Variants in SLC41A1 observed in about 807,000 individuals in gnomAD.
SLC41A1 encodes the protein solute carrier family 41 (magnesium transporter), member 1.
SLC41A1 carries 20 observed loss-of-function variants against 47.3 expected under a neutral mutation model. That is an observed-to-expected ratio of 0.42 (90% CI 0.30 to 0.61). The LOEUF is 0.61. SLC41A1 is among the 20% of genes least tolerant of loss of function. The pLI is 0.17. For missense variants in SLC41A1, 504 were observed against 674.1 expected, an observed-to-expected ratio of 0.75 and a Z score of 2.79; for synonymous variants, 282 against 272.7, an observed-to-expected ratio of 1.03 and a Z score of -0.34.
At chr1:205,794,263 C>T (rs1236636521) in intron 10 of SLC41A1, among the ~76,000 whole-genome samples, 1 of 152,174 alleles carries the variant, frequency 6.6e-6, no homozygotes, top group African/African-American at 2.4e-5. Context: ...ATGTTATTTT[C>T]CCATGGAGGG....
rs1374513567 is a variant in SLC41A1 at position 205,813,132 on chromosome 1, G to A, written c.-971C>T. The A allele has an allele frequency of 4.1e-6, 4 of 985,418 alleles. No homozygotes were observed. In the East Asian group the frequency reaches 4.5e-4, roughly 112 times the overall value. The allele number at this position is 985,418 out of a possible 1,614,324, so 61.0% of individuals were successfully genotyped here. ...GAGCCGAGCTCACGCGCCCCCAATCGCTTCTTGCCCGCGGACTCGGGCCCA... is the reference window on the plus strand; with the variant it reads ...GAGCCGAGCTCACGCGCCCCCAATCACTTCTTGCCCGCGGACTCGGGCCCA... On this transcript the variant is annotated 5_prime_UTR_variant, in exon 1 of 11. Coordinates refer to ENST00000367137, the MANE Select transcript of SLC41A1 (RefSeq NM_173854.6).
At chr1:205,804,122 A>G (rs1175557271) in intron 2 of SLC41A1, among the ~76,000 whole-genome samples, 1 of 152,216 alleles carries the variant, frequency 6.6e-6, no homozygotes, top group Non-Finnish European at 1.5e-5. Flanking sequence ...GGTAAATTTT[A>G]TGTTACACAT....
chr1:205,799,886 C>T (rs1655840852), intron 3 of SLC41A1, 56 bp from the exon 4 acceptor site: 1 of 1,477,118 alleles, frequency 6.8e-7, no homozygotes, highest in Non-Finnish European at 9.4e-7. Flanking sequence ...CCTGAAGCTC[C>T]ATCCATTAGG....
At chr1:205,796,512 C>T in intron 8 of SLC41A1, 1 of 251,266 alleles carries the variant, frequency 4.0e-6, no homozygotes. Flanking sequence ...TTCTGTTTCT[C>T]CATTTGGATG....
chr1:205,806,992 G>C (rs1656028970), intron 2 of SLC41A1, among the ~76,000 whole-genome samples: 1 of 152,124 alleles, frequency 6.6e-6, no homozygotes, highest in Non-Finnish European at 1.5e-5. Context: ...ATGGACTCCT[G>C]CTCAGTTGCT....
At chr1:205,801,245 C>A (rs1247188483) in intron 2 of SLC41A1, 185 bp from the exon 3 acceptor site, 2 of 580,826 alleles carry the variant, frequency 3.4e-6, no homozygotes, top group African/African-American at 3.7e-5. Flanking sequence ...AACAACACAA[C>A]CCCCCTTCCT....
At chr1:205,804,003 T>C (rs1304332111) in intron 2 of SLC41A1, among the ~76,000 whole-genome samples, 1 of 152,084 alleles carries the variant, frequency 6.6e-6, no homozygotes, top group Non-Finnish European at 1.5e-5. Flanking sequence ...GAGTGTTTAA[T>C]AGGTACAGAG....
At chr1:205,795,100 G>A (rs1005443954) in intron 9 of SLC41A1, 82 bp from the exon 10 acceptor site, 24 of 1,561,752 alleles carry the variant, frequency 1.5e-5, no homozygotes, top group South Asian at 1.5e-4. Context: ...CAGGAGGGAC[G>A]GCACCATACC....
chr1:205,809,180 A>G (rs369897544), intron 2 of SLC41A1, among the ~76,000 whole-genome samples: 2 of 152,244 alleles, frequency 1.3e-5, no homozygotes, highest in Non-Finnish European at 2.9e-5. Context: ...GGTGTGCCAC[A>G]CTGTGCCTAA....
Position 205,791,411 on chromosome 1 carries a change from T to C in SLC41A1, c.*122A>G, listed in dbSNP as rs1655623266. On this transcript the variant is annotated 3_prime_UTR_variant, in exon 11 of 11. Transcript: ENST00000367137. This position sits in a 1 kb window ranked among gnomAD's most constrained non-coding sequence, Gnocchi z 4.0. ...AAATTCCCATTGAAAATAATGAGAATTTGGTATCAAAGTGAAGTCCTAGAA... is the reference window on the plus strand; with the variant it reads ...AAATTCCCATTGAAAATAATGAGAACTTGGTATCAAAGTGAAGTCCTAGAA... 8.3e-7 allele frequency: 1 copy of C among 1,199,894 alleles called. No individual in the cohort carries two copies. Among genetic ancestry groups the C allele is most frequent in the African/African-American group, 1.5e-5 (1 of 66,172 alleles). The allele number at this position is 1,199,894 out of a possible 1,614,324, so 74.3% of individuals were successfully genotyped here. A position where few individuals can be genotyped will look rare whatever the true frequency, so the allele number is the denominator to read the frequency against.
chr1:205,807,799 C>T (rs964500284), intron 2 of SLC41A1, among the ~76,000 whole-genome samples: 2 of 150,710 alleles, frequency 1.3e-5, no homozygotes, highest in Non-Finnish European at 1.5e-5. Flanking sequence ...TGGAATTATA[C>T]GAGAATGCCA....
At chr1:205,798,097 C>T in intron 6 of SLC41A1, 46 bp from the exon 7 acceptor site, 2 of 1,613,606 alleles carry the variant, frequency 1.2e-6, no homozygotes, top group East Asian at 2.2e-5. Flanking sequence ...TGTTTCCCTA[C>T]CCTAAGTTTC....
rs1655790043 is a variant in SLC41A1 at position 205,798,068 on chromosome 1, CAGA to C, written c.845-20_845-18del. 1.9e-6 allele frequency: 3 copies of C among 1,614,184 alleles called. No homozygotes were observed. The highest frequency in any genetic ancestry group is 2.5e-6 in the Non-Finnish European group (3 of 1,180,028). On this transcript the variant is annotated intron_variant, in intron 6 of 10. Coordinates refer to ENST00000367137, the MANE Select transcript of SLC41A1 (RefSeq NM_173854.6). ...GCCAGTGATCTGAGAGGGCAGAGGT[CAGA>C]AGGAGATAAGCACTGTGTTTCCCTA...
intron 6 of SLC41A1, among the ~76,000 whole-genome samples, 177 bp from the exon 7 acceptor site, chr1:205,798,228 T>C (rs935003830): frequency 6.6e-6 from 1 of 152,168 alleles, no homozygotes. Flanking sequence ...GACAAGCCTT[T>C]TCCATTTTAT....
chr1:205,810,178 AGGT>A lies in SLC41A1; in HGVS notation c.261_263del (p.Pro88del), dbSNP rs775499815. On this transcript the variant is annotated inframe_deletion, in exon 2 of 11. Coordinates refer to ENST00000367137, the MANE Select transcript of SLC41A1 (RefSeq NM_173854.6). The surrounding 1 kb of genome is among the most constrained non-coding windows in gnomAD (Gnocchi z 5.5). ...AAAAGGAGGTCTCCTTGAGCGGGGA[AGGT>A]GGCGCAGGGCCACGGTCTGTGCTGA... 5 of 1,614,260 alleles carry A rather than the reference AGGT, an allele frequency of 3.1e-6. No homozygotes were observed. Among genetic ancestry groups the A allele is most frequent in the Non-Finnish European group, 4.2e-6 (5 of 1,180,036 alleles).
chr1:205,812,074 A>G (rs1053690987), intron 1 of SLC41A1, among the ~76,000 whole-genome samples: 4 of 152,224 alleles, frequency 2.6e-5, no homozygotes, highest in Admixed American at 1.3e-4. Context: ...GCATCTCTTT[A>G]GCTGTAATGG....
At chr1:205,804,888 G>A (rs934622137) in intron 2 of SLC41A1, among the ~76,000 whole-genome samples, 7 of 152,168 alleles carry the variant, frequency 4.6e-5, no homozygotes, top group Non-Finnish European at 1.0e-4. Context: ...GACTCCACAT[G>A]TATGCAAGCA....
chr1:205,797,869 T>C, intron 7 of SLC41A1, 35 bp downstream of exon 7: 3 of 1,612,634 alleles, frequency 1.9e-6, no homozygotes, highest in Non-Finnish European at 2.5e-6. Flanking sequence ...AGGGTTGGAG[T>C]GGGGTAGGAG....
At chr1:205,801,526 T>G (rs1413734046) in intron 2 of SLC41A1, 1 of 215,528 alleles carries the variant, frequency 4.6e-6, no homozygotes, top group Non-Finnish European at 9.4e-6. Flanking sequence ...CTGGGGAGAT[T>G]AGAGAGTTTG....
Sources: allele counts gnomAD v4.1 joint callset (sites outside exome capture counted in the v4.1 genomes callset), GRCh38; gene constraint gnomAD v4.1.1; non-coding constraint Gnocchi (gnomAD v3.1); transcripts MANE v1.5; gene names NCBI Gene and HGNC (gene_info 2026-07-23, HGNC 2026-07-21).